The following KHDRBS1 variants were observed in gnomAD, a reference collection of about 807,000 sequenced individuals.
KHDRBS1 encodes the protein KH domain-containing, RNA-binding, signal transduction-associated protein 1.
Under a neutral mutation model 48.4 loss-of-function variants are expected in KHDRBS1, and 7 were observed. The observed-to-expected ratio is 0.14, with a 90% CI of 0.08 to 0.27. KHDRBS1 has a LOEUF of 0.27. Among genes scored for constraint, KHDRBS1 ranks in the 10% least tolerant of loss-of-function variants. The pLI, the probability that KHDRBS1 is intolerant of heterozygous loss-of-function variation, is 1.00. For synonymous variants in KHDRBS1, 241 were observed against 235.8 expected (o/e 1.02, Z -0.20); for missense variants, 458 against 601.2 (o/e 0.76, Z 2.49).
chr1:32,031,256 T>C lies in KHDRBS1; in HGVS notation c.508-268T>C, dbSNP rs189662389. Among the ~76,000 whole-genome samples, 15 of 152,086 alleles carry C rather than the reference T, an allele frequency of 9.9e-5. No homozygotes were observed. In the East Asian group the frequency reaches 2.7e-3, roughly 27 times the overall value. On this transcript the variant is annotated intron_variant, in intron 2 of 8. Transcript: ENST00000327300. ...AGTGAGAGCCTGTCTCAAAATAAAG[T>C]AAAAAATAAAATAGTAAAGGTCTTA...
chr1:32,055,500 C>T (rs182758201), intron 10 of KHDRBS1, among the ~76,000 whole-genome samples: 3 of 152,184 alleles, frequency 2.0e-5, no homozygotes, highest in African/African-American at 7.2e-5. Flanking sequence ...CTCTTGAGAC[C>T]CACATGTACC....
At chr1:32,053,928 C>T (rs1569826142) in intron 10 of KHDRBS1, among the ~76,000 whole-genome samples, 1 of 152,096 alleles carries the variant, frequency 6.6e-6, no homozygotes, top group Admixed American at 6.5e-5. Context: ...ACTAAAAATA[C>T]AAAAAATTAG....
At chr1:32,020,022 C>G (rs1046671544) in intron 1 of KHDRBS1, among the ~76,000 whole-genome samples, 2 of 152,090 alleles carry the variant, frequency 1.3e-5, no homozygotes. Flanking sequence ...CCCTCTTCAG[C>G]CTCCCAAAGT....
chr1:32,037,805 C>T (rs1284759618), intron 5 of KHDRBS1, 30 bp from the exon 6 acceptor site: 2 of 1,603,050 alleles, frequency 1.2e-6, no homozygotes, highest in Middle Eastern at 1.8e-4. Flanking sequence ...TTATAAAAAG[C>T]TCCATTTAAG....
chr1:32,047,040 TG>T (rs1227506888), downstream of KHDRBS1, among the ~76,000 whole-genome samples: 3 of 152,212 alleles, frequency 2.0e-5, no homozygotes. Flanking sequence ...GAACTGTGCT[TG>T]GAAAGGCAGG....
chr1:32,032,956 G>A (rs1017477575), intron 3 of KHDRBS1, among the ~76,000 whole-genome samples: 3 of 152,268 alleles, frequency 2.0e-5, no homozygotes, highest in African/African-American at 7.2e-5. Context: ...CCAAAGTCCT[G>A]GGATTATAGG....
intron 4 of KHDRBS1, among the ~76,000 whole-genome samples, chr1:32,035,475 AG>A (rs1344829894): frequency 6.6e-6 from 1 of 152,240 alleles, no homozygotes; most frequent in African/African-American, 2.4e-5. Context: ...GGCTCTCAAT[AG>A]GAAGTGTGAA....
intron 1 of KHDRBS1, 41 bp downstream of exon 1, chr1:32,014,418 C>G: frequency 7.7e-7 from 1 of 1,292,922 alleles, no homozygotes; most frequent in Non-Finnish European, 9.9e-7. Context: ...GCCCGGCCAT[C>G]CCGGGCATGA....
intron 1 of KHDRBS1, among the ~76,000 whole-genome samples, chr1:32,022,736 A>G (rs1638885938): frequency 6.6e-6 from 1 of 152,036 alleles, no homozygotes; most frequent in Non-Finnish European, 1.5e-5. Context: ...TAAAAATACA[A>G]AAATTAGCCA....
intron 10 of KHDRBS1, among the ~76,000 whole-genome samples, chr1:32,054,002 T>G (rs777576189): frequency 1.6e-4 from 25 of 152,110 alleles, no homozygotes; most frequent in Non-Finnish European, 2.9e-4. Flanking sequence ...GAGAATCGCT[T>G]GTACCCAGGA....
At chr1:32,046,470 C>T (rs1639359521), downstream of KHDRBS1, among the ~76,000 whole-genome samples, 1 of 152,194 alleles carries the variant, frequency 6.6e-6, no homozygotes, top group Non-Finnish European at 1.5e-5. Flanking sequence ...CCACCTTGGC[C>T]TCCCAAAGTG....
intron 1 of KHDRBS1, among the ~76,000 whole-genome samples, chr1:32,029,644 C>T (rs1275709044): frequency 6.6e-6 from 1 of 151,846 alleles, no homozygotes; most frequent in East Asian, 1.9e-4. Context: ...ACAAAAAGAG[C>T]GAAACTCCAT....
At chr1:32,053,302 A>G (rs1460046158) in intron 10 of KHDRBS1, among the ~76,000 whole-genome samples, 1 of 152,248 alleles carries the variant, frequency 6.6e-6, no homozygotes, top group African/African-American at 2.4e-5. Flanking sequence ...CATTTAAGTT[A>G]CAATTTAAAG....
At chr1:32,031,698 G>A in intron 3 of KHDRBS1, 58 bp downstream of exon 3, 1 of 1,112,586 alleles carries the variant, frequency 9.0e-7, no homozygotes, top group Non-Finnish European at 1.3e-6. Context: ...TGCCCAGAAT[G>A]CAGTATGGAT....
At chr1:32,038,675 G>A in intron 7 of KHDRBS1, 56 bp downstream of exon 7, 2 of 1,533,088 alleles carry the variant, frequency 1.3e-6, no homozygotes, top group South Asian at 1.1e-5. Flanking sequence ...GGAGGGAGTT[G>A]GAGGAACAGA....
Position 32,042,889 on chromosome 1 carries a change from A to G in KHDRBS1, c.*265A>G, listed in dbSNP as rs1262159303. On this transcript the variant is annotated 3_prime_UTR_variant, in exon 9 of 9. Transcript: ENST00000327300. Reference sequence around the variant, plus strand: ...TAGATGCTTTTTTCTTTGTTGTTTAAATATAAACAGAAGTGTACCTTTTAT... The same window carrying G: ...TAGATGCTTTTTTCTTTGTTGTTTAGATATAAACAGAAGTGTACCTTTTAT... 4.0e-6 allele frequency: 1 copy of G among 250,230 alleles called. No individual in the cohort carries two copies. The highest frequency in any genetic ancestry group is 7.6e-6 in the Non-Finnish European group (1 of 131,376). The allele number at this position is 250,230 out of a possible 1,614,324, so 15.5% of individuals were successfully genotyped here.
At chr1:32,047,974 CTT>C, downstream of KHDRBS1, among the ~76,000 whole-genome samples, 1 of 152,268 alleles carries the variant, frequency 6.6e-6, no homozygotes, top group Non-Finnish European at 1.5e-5. Context: ...GCTTCTTTGA[CTT>C]TGCATAGTGT....
downstream of KHDRBS1, among the ~76,000 whole-genome samples, chr1:32,048,765 T>C (rs1639384139): frequency 6.6e-6 from 1 of 152,098 alleles, no homozygotes; most frequent in South Asian, 2.1e-4. Context: ...CAGTGGTTTT[T>C]AGTATATACA....
intron 8 of KHDRBS1, among the ~76,000 whole-genome samples, chr1:32,042,074 G>A (rs1319080843): frequency 3.3e-5 from 5 of 152,182 alleles, no homozygotes; most frequent in African/African-American, 1.2e-4. Context: ...AGTGGGGCTG[G>A]CTGCCTGCTT....
Sources: allele counts gnomAD v4.1 joint callset (sites outside exome capture counted in the v4.1 genomes callset), GRCh38; gene constraint gnomAD v4.1.1; transcripts MANE v1.5; gene names NCBI Gene and HGNC (gene_info 2026-07-23, HGNC 2026-07-21).